The following MYO1F variants were observed in gnomAD, a reference collection of about 807,000 sequenced individuals.
The protein encoded by MYO1F is unconventional myosin-If.
A neutral mutation model predicts 146.6 loss-of-function variants in MYO1F; 60 were observed. The observed-to-expected ratio is 0.41, with a 90% CI of 0.33 to 0.51. The LOEUF (loss-of-function observed/expected upper bound fraction) is 0.51, where lower values mean the gene tolerates loss of function less well. Ranked by LOEUF, MYO1F falls within the 20% of genes least tolerant of loss-of-function variation. The probability of loss-of-function intolerance (pLI) is 0.25; values close to 1 mark genes in which losing one functional copy is unlikely to be tolerated. For missense variants in MYO1F, 1,274 were observed against 1,534.3 expected, an observed-to-expected ratio of 0.83 and a Z score of 2.83; for synonymous variants, 602 against 602.1, an observed-to-expected ratio of 1.00 and a Z score of 0.00.
chr19:8,577,424 C>T lies in MYO1F; in HGVS notation c.-115G>A, dbSNP rs782038697. On this transcript the variant is annotated 5_prime_UTR_variant, in exon 1 of 28. Coordinates refer to ENST00000644032, the MANE Select transcript of MYO1F (RefSeq NM_012335.4). The surrounding 1 kb of genome is among the most constrained non-coding windows in gnomAD (Gnocchi z 4.3). ...CATGGCCCTGCTTCTGCCCGTTCAC[C>T]GGACTCCCGGCTTTAGTTCCTCTTA... The T allele has an allele frequency of 4.7e-5, 56 of 1,201,888 alleles. No individual in the cohort carries two copies. Among genetic ancestry groups the T allele is most frequent in the East Asian group, 1.4e-4 (6 of 41,750 alleles). 74.5% of individuals were successfully genotyped at this position (1,201,888 alleles called of 1,614,324 possible).
chr19:8,567,583 C>T (rs1473610366), intron 1 of MYO1F, among the ~76,000 whole-genome samples: 2 of 152,148 alleles, frequency 1.3e-5, no homozygotes, highest in Non-Finnish European at 2.9e-5. Flanking sequence ...TCTCGAACTC[C>T]CAACCTCAGG....
At chr19:8,536,831 AG>A (rs1972743688) in intron 17 of MYO1F, 117 bp downstream of exon 17, 2 of 645,390 alleles carry the variant, frequency 3.1e-6, no homozygotes, top group Admixed American at 5.0e-5. Flanking sequence ...GGATTGTGGG[AG>A]GGGCTGTGCT....
chr19:8,554,120 C>T (rs570459169), intron 4 of MYO1F, among the ~76,000 whole-genome samples: 54 of 151,876 alleles, frequency 3.6e-4, no homozygotes, highest in Middle Eastern at 6.8e-3. Flanking sequence ...CCACCGTGTC[C>T]GGCTAATTAT....
chr19:8,545,745 G>A lies in MYO1F; in HGVS notation c.1270-9C>T. ...TCCTGCACATACTCCTCCTGGGGTG[G>A]AAAAGGGGGTGGATGTGGGGGCCAG... On this transcript the variant is annotated splice_polypyrimidine_tract_variant and intron_variant, in intron 12 of 27. Coordinates refer to ENST00000644032, the MANE Select transcript of MYO1F (RefSeq NM_012335.4). The A allele has an allele frequency of 6.2e-7, 1 of 1,610,102 alleles. No individual in the cohort carries two copies. Among genetic ancestry groups the A allele is most frequent in the Non-Finnish European group, 8.5e-7 (1 of 1,176,442 alleles).
In MYO1F at chr19:8,552,133, C is replaced by T; in HGVS notation, c.536G>A (p.Gly179Asp). The change falls in exon 7 of 28, where the codon GGT (glycine) becomes GAT (aspartate). Residue 179 changes from glycine (G) to aspartate (D), a missense_variant. Physicochemically the swap from Gly to Asp is moderately conservative, Grantham distance 94. Around this residue, in one of 2 missense-constraint regions of MYO1F, gnomAD observed 900 missense variants for 1,155.1 expected, o/e 0.78. Coordinates refer to ENST00000644032, the MANE Select transcript of MYO1F (RefSeq NM_012335.4). ...GKYFEIQFSR[G>D]GEPDGGKISN... ...GATCTTGCCCCCATCTGGCTCCCCA[C>T]CTCGGCTGAACTGGATCTCAAAGTA... 1 of 1,614,154 alleles carries T rather than the reference C, an allele frequency of 6.2e-7. No homozygotes were observed. The highest frequency in any genetic ancestry group is 8.5e-7 in the Non-Finnish European group (1 of 1,180,026).
rs777775134 is a variant in MYO1F at position 8,550,521 on chromosome 19, C to T, written c.904+41G>A. 3.7e-6 allele frequency: 6 copies of T among 1,613,924 alleles called. No individual in the cohort carries two copies. The African/African-American group carries it at 8.0e-5, about 22-fold the overall frequency. ...AGCTAGGAGGACGCAGTTCACCCACCCACAGGCCTCCATCCAGCCCTCCCT... is the reference window on the plus strand; with the variant it reads ...AGCTAGGAGGACGCAGTTCACCCACTCACAGGCCTCCATCCAGCCCTCCCT... On this transcript the variant is annotated intron_variant, in intron 9 of 27. Transcript: ENST00000644032.
intron 6 of MYO1F, 126 bp downstream of exon 6, chr19:8,553,013 G>GT: frequency 1.1e-6 from 1 of 898,428 alleles, no homozygotes; most frequent in Non-Finnish European, 1.9e-6. Flanking sequence ...TCAGGAGTAG[G>GT]TATTTCCTGC....
At chr19:8,572,948 C>T (rs117700741) in intron 1 of MYO1F, among the ~76,000 whole-genome samples, 4,703 of 152,270 alleles carry the variant, frequency 0.031, 95 homozygotes, top group Non-Finnish European at 0.044. Context: ...CTCCCACCTC[C>T]GTCTTCCAAA....
At chr19:8,525,615 C>T in intron 24 of MYO1F, 53 bp from the exon 25 acceptor site, 1 of 1,494,154 alleles carries the variant, frequency 6.7e-7, no homozygotes, top group East Asian at 2.3e-5. Context: ...GCTCTTTGCC[C>T]CGCCCACAAA....
intron 1 of MYO1F, chr19:8,576,431 T>C (rs1233253324): frequency 2.6e-5 from 4 of 152,548 alleles, no homozygotes; most frequent in Non-Finnish European, 5.9e-5. Flanking sequence ...CACAGCCACA[T>C]GCTCTCATCC....
At chr19:8,552,198 G>C (rs767031556) in intron 6 of MYO1F, 34 bp from the exon 7 acceptor site, 49 of 1,612,232 alleles carry the variant, frequency 3.0e-5, no homozygotes, top group Non-Finnish European at 4.1e-5. Flanking sequence ...GCACCCCAGT[G>C]TCCTGGGGTG....
Position 8,530,340 on chromosome 19 carries a change from C to CT in MYO1F, c.2183dup (p.Glu729GlyfsTer74). On this transcript the variant is annotated frameshift_variant, in exon 21 of 28. Coordinates refer to ENST00000644032, the MANE Select transcript of MYO1F (RefSeq NM_012335.4). LOFTEE classifies it high-confidence loss of function. This position sits in a 1 kb window ranked among gnomAD's most constrained non-coding sequence, Gnocchi z 5.8. ...GATTGATGCTGTTGCGCCTCCGCTC[C>CT]TTCTTGTTCAGCAGGATGTTGGAAG... The CT allele has an allele frequency of 6.2e-7, 1 of 1,614,158 alleles. No homozygotes were observed. Among genetic ancestry groups the CT allele is most frequent in the Non-Finnish European group, 8.5e-7 (1 of 1,180,018 alleles).
intron 14 of MYO1F, among the ~76,000 whole-genome samples, chr19:8,543,708 CT>C (rs1568348536): frequency 1.3e-3 from 28 of 20,962 alleles, no homozygotes; most frequent in Non-Finnish European, 2.0e-3. Flanking sequence ...GGTGGTGGTG[CT>C]GGTGGTGGTG....
At chr19:8,556,697 G>C (rs572911063) in intron 1 of MYO1F, among the ~76,000 whole-genome samples, 1 of 151,718 alleles carries the variant, frequency 6.6e-6, no homozygotes, top group South Asian at 2.1e-4. Flanking sequence ...AGACCAGTCT[G>C]ATCAATATGG....
intron 10 of MYO1F, 62 bp from the exon 11 acceptor site, chr19:8,548,379 C>G (rs1973461847): frequency 1.3e-6 from 2 of 1,520,250 alleles, no homozygotes; most frequent in African/African-American, 1.4e-5. Context: ...CCCCTGCCCA[C>G]CACTCCTTAG....
chr19:8,544,101 TG>T, intron 14 of MYO1F, 195 bp downstream of exon 14: 3 of 568,242 alleles, frequency 5.3e-6, no homozygotes, highest in East Asian at 3.5e-5. Flanking sequence ...AGAGAGTTCC[TG>T]GGGGGTCAGC....
At position 8,544,388 on chromosome 19, in the gene MYO1F, G is replaced by T; in HGVS notation, c.1433C>A (p.Thr478Lys). 6.2e-7 allele frequency: 1 copy of T among 1,613,192 alleles called. No homozygotes were observed. Among genetic ancestry groups the T allele is most frequent in the Non-Finnish European group, 8.5e-7 (1 of 1,179,886 alleles). ...AGCCGCCTGCAGCTTCTGCAGCAGT[G>T]TCTGGTCTGCTCCCCCGCCCGTGGC... ...MHATGGGADQ[T>K]LLQKLQAAVG... Residue 478 changes from threonine to lysine, a missense_variant, in exon 14 of 28, where the codon ACA becomes AAA. By Grantham distance (78) the Thr-to-Lys change is moderately conservative. This residue lies in a region of MYO1F where 900 missense variants were observed against 1,155.1 expected (regional missense o/e 0.78). Coordinates refer to ENST00000644032, the MANE Select transcript of MYO1F (RefSeq NM_012335.4).
intron 19 of MYO1F, among the ~76,000 whole-genome samples, chr19:8,532,341 G>A (rs1260637639): frequency 6.6e-6 from 1 of 152,030 alleles, no homozygotes; most frequent in South Asian, 2.1e-4. Flanking sequence ...CTTAGAGAAT[G>A]AATTACATTA....
chr19:8,544,006 C>CTGGT (rs1568350207), intron 14 of MYO1F: 5 of 169,164 alleles, frequency 3.0e-5, no homozygotes, highest in Admixed American at 2.5e-4. Context: ...CTGGTGGTGG[C>CTGGT]GGTGGCGGTG....
Sources: gnomAD v4.1 joint callset for allele counts (sites outside exome capture counted in the v4.1 genomes callset) on GRCh38, gnomAD v4.1.1 for gene constraint, gnomAD v4.1.1 regional missense constraint, Gnocchi (gnomAD v3.1) non-coding constraint, MANE v1.5 for transcripts, NCBI Gene and HGNC (gene_info 2026-07-23, HGNC 2026-07-21) for gene names.